The following GABBR2 variants were observed in gnomAD, a reference collection of about 807,000 sequenced individuals.
GABBR2 encodes the protein G-protein coupled receptor 51.
A neutral mutation model predicts 105.6 loss-of-function variants in GABBR2; 23 were observed. The ratio of observed to expected loss-of-function variants is 0.22; its 90% CI spans 0.16 to 0.31. GABBR2 has a LOEUF of 0.31. GABBR2 is among the 10% of genes least tolerant of loss of function. GABBR2 has a pLI of 1.00. For synonymous variants in GABBR2, 478 were observed against 499.7 expected, an observed-to-expected ratio of 0.96 and a Z score of 0.58; for missense variants, 734 against 1,245.5, an observed-to-expected ratio of 0.59 and a Z score of 6.18.
intron 4 of GABBR2, among the ~76,000 whole-genome samples, chr9:98,486,589 G>C (rs1355784681): frequency 1.3e-5 from 2 of 152,148 alleles, no homozygotes; most frequent in African/African-American, 4.8e-5. Context: ...TCCACTCAAT[G>C]GCATCCTGGT....
At chr9:98,528,147 A>G (rs961040425) in intron 3 of GABBR2, among the ~76,000 whole-genome samples, 5 of 152,208 alleles carry the variant, frequency 3.3e-5, no homozygotes, top group African/African-American at 9.6e-5. Flanking sequence ...GTTGGTTTGC[A>G]TTATATTTCG....
chr9:98,606,344 G>A (rs576908694), intron 1 of GABBR2, among the ~76,000 whole-genome samples: 123 of 152,260 alleles, frequency 8.1e-4, no homozygotes, highest in African/African-American at 2.5e-3. Context: ...CTGAGGAATC[G>A]CCACACTGTC....
At chr9:98,695,329 G>A (rs151193078) in intron 1 of GABBR2, among the ~76,000 whole-genome samples, 17 of 152,210 alleles carry the variant, frequency 1.1e-4, no homozygotes, top group Non-Finnish European at 2.2e-4. Flanking sequence ...ATAGCCTGGC[G>A]GGGCAGTGAA....
intron 1 of GABBR2, among the ~76,000 whole-genome samples, chr9:98,584,027 G>A (rs1022403650): frequency 2.0e-5 from 3 of 152,156 alleles, no homozygotes; most frequent in Non-Finnish European, 4.4e-5. Context: ...ACAGCAAGTT[G>A]TCTTTCTGTG....
At chr9:98,665,276 A>ATCTC (rs55873825) in intron 1 of GABBR2, among the ~76,000 whole-genome samples, 58 of 149,436 alleles carry the variant, frequency 3.9e-4, no homozygotes, top group Middle Eastern at 3.4e-3. Flanking sequence ...CTCTCTCTCA[A>ATCTC]TCTCTCTCTC....
chr9:98,543,648 C>T (rs1828347910), intron 2 of GABBR2, among the ~76,000 whole-genome samples: 1 of 152,196 alleles, frequency 6.6e-6, no homozygotes. Context: ...GGTGTGCTAT[C>T]GCACCCAGCT....
At chr9:98,477,553 T>C (rs1826818974) in intron 5 of GABBR2, among the ~76,000 whole-genome samples, 1 of 152,120 alleles carries the variant, frequency 6.6e-6, no homozygotes, top group Admixed American at 6.6e-5. Context: ...CTGCATCTGG[T>C]AGAAATGTGG....
intron 1 of GABBR2, among the ~76,000 whole-genome samples, chr9:98,664,323 C>G (rs1002671834): frequency 2.0e-5 from 3 of 152,198 alleles, no homozygotes; most frequent in Non-Finnish European, 2.9e-5. Flanking sequence ...CCAGCCTAGC[C>G]TCTTCAAAAA....
chr9:98,562,045 C>A (rs1259526297), intron 2 of GABBR2, among the ~76,000 whole-genome samples: 3 of 152,104 alleles, frequency 2.0e-5, no homozygotes, highest in Admixed American at 6.6e-5. Context: ...TTCATAATTA[C>A]AGAGGGGGAA....
intron 13 of GABBR2, among the ~76,000 whole-genome samples, chr9:98,356,695 C>T (rs1233709934): frequency 6.6e-6 from 1 of 152,192 alleles, no homozygotes; most frequent in African/African-American, 2.4e-5. Flanking sequence ...TATGTCCACA[C>T]AAAAACTCAC....
In GABBR2 at chr9:98,388,847, G is replaced by A. The variant is rs371668688; in HGVS notation, c.1529+7C>T. The A allele has an allele frequency of 3.1e-6, 5 of 1,610,772 alleles. No individual in the cohort carries two copies. The highest frequency in any genetic ancestry group is 4.2e-6 in the Non-Finnish European group (5 of 1,177,692). ...TGATATCACAGAGGAGGACCAGGGTGGCTTACTTCTGATTCCGGTTCTTGA... is the reference window on the plus strand; with the variant it reads ...TGATATCACAGAGGAGGACCAGGGTAGCTTACTTCTGATTCCGGTTCTTGA... On this transcript the variant is annotated splice_region_variant and intron_variant, in intron 10 of 18. Coordinates refer to ENST00000259455, the MANE Select transcript of GABBR2 (RefSeq NM_005458.8). This position sits in a 1 kb window ranked among gnomAD's most constrained non-coding sequence, Gnocchi z 4.4.
At chr9:98,627,614 G>A (rs1472814970) in intron 1 of GABBR2, among the ~76,000 whole-genome samples, 2 of 152,222 alleles carry the variant, frequency 1.3e-5, no homozygotes, top group South Asian at 2.1e-4. Context: ...AGTAGTGATC[G>A]CCCTGTCACA....
At chr9:98,559,576 A>G (rs1828636104) in intron 2 of GABBR2, among the ~76,000 whole-genome samples, 1 of 152,260 alleles carries the variant, frequency 6.6e-6, no homozygotes, top group African/African-American at 2.4e-5. Flanking sequence ...TTTAGATATT[A>G]GCCTTTTACT....
chr9:98,419,793 T>C (rs1385391147), intron 7 of GABBR2, among the ~76,000 whole-genome samples: 1 of 152,144 alleles, frequency 6.6e-6, no homozygotes, highest in Non-Finnish European at 1.5e-5. Flanking sequence ...AGGAGGAGGC[T>C]GCATATCTTG....
intron 12 of GABBR2, among the ~76,000 whole-genome samples, chr9:98,365,707 T>A (rs916849695): frequency 1.3e-5 from 2 of 152,124 alleles, no homozygotes; most frequent in African/African-American, 4.8e-5. Context: ...AACATGCATG[T>A]TTGTGGGGAA....
chr9:98,465,720 C>T (rs565586692), intron 6 of GABBR2, among the ~76,000 whole-genome samples: 1 of 152,316 alleles, frequency 6.6e-6, no homozygotes, highest in East Asian at 1.9e-4. Flanking sequence ...TTCACTTCTG[C>T]GTTTGCCTCA....
At chr9:98,355,794 G>A (rs1477374590) in intron 13 of GABBR2, among the ~76,000 whole-genome samples, 1 of 152,222 alleles carries the variant, frequency 6.6e-6, no homozygotes, top group East Asian at 1.9e-4. Context: ...AGTTGGAGAA[G>A]TGACATTCCC....
intron 1 of GABBR2, among the ~76,000 whole-genome samples, chr9:98,648,129 A>ATAGG (rs1830055691): frequency 1.2e-5 from 1 of 81,526 alleles, no homozygotes; most frequent in South Asian, 3.9e-4. Context: ...AGATAGATAG[A>ATAGG]TAGATAGATA....
At chr9:98,680,296 T>TTTTA (rs952004609) in intron 1 of GABBR2, among the ~76,000 whole-genome samples, 30 of 152,150 alleles carry the variant, frequency 2.0e-4, no homozygotes, top group South Asian at 8.3e-4. Context: ...ATTATTATCA[T>TTTTA]TTTATTTATT....
Sources: allele counts gnomAD v4.1 joint callset (sites outside exome capture counted in the v4.1 genomes callset), GRCh38; gene constraint gnomAD v4.1.1; non-coding constraint Gnocchi (gnomAD v3.1); transcripts MANE v1.5; gene names NCBI Gene and HGNC (gene_info 2026-07-23, HGNC 2026-07-21).